Variants in ITFG1 observed in about 807,000 individuals in gnomAD.
ITFG1 encodes integrin alpha FG-GAP repeat containing 1.
In ITFG1, 34 loss-of-function variants were observed where a neutral mutation model predicts 81.8. The observed-to-expected ratio is 0.42, with a 90% CI of 0.32 to 0.55. The LOEUF is 0.55. ITFG1 is among the 20% of genes least tolerant of loss of function. The pLI is 0.17. For missense variants in ITFG1, 672 were observed against 755.4 expected (o/e 0.89, Z 1.29); for synonymous variants, 285 against 270.6 (o/e 1.05, Z -0.52).
At chr16:47,456,756 T>G (rs1027123934) in intron 2 of ITFG1, among the ~76,000 whole-genome samples, 2 of 150,116 alleles carry the variant, frequency 1.3e-5, no homozygotes, top group Non-Finnish European at 3.0e-5. Context: ...TTATCAGGCA[T>G]CCTTTCTCAG....
At chr16:47,429,177 A>G (rs1969062296) in intron 5 of ITFG1, among the ~76,000 whole-genome samples, 1 of 152,184 alleles carries the variant, frequency 6.6e-6, no homozygotes, top group Non-Finnish European at 1.5e-5. Context: ...TTCTGTCTCT[A>G]TTCAGGACAT....
chr16:47,168,377 A>G (rs1361672545), intron 14 of ITFG1, among the ~76,000 whole-genome samples: 1 of 152,002 alleles, frequency 6.6e-6, no homozygotes, highest in African/African-American at 2.4e-5. Flanking sequence ...TGAAAAGAAA[A>G]AAGACTTTTC....
intron 6 of ITFG1, among the ~76,000 whole-genome samples, chr16:47,399,471 G>A (rs907814902): frequency 6.6e-6 from 1 of 152,138 alleles, no homozygotes; most frequent in Non-Finnish European, 1.5e-5. Flanking sequence ...TACTCAGGAG[G>A]CTGAGGCAGG....
intron 10 of ITFG1, among the ~76,000 whole-genome samples, chr16:47,301,071 A>G (rs1317517135): frequency 6.6e-6 from 1 of 152,244 alleles, no homozygotes; most frequent in Non-Finnish European, 1.5e-5. Context: ...TGAAACACAG[A>G]AATCTATGTG....
intron 10 of ITFG1, among the ~76,000 whole-genome samples, chr16:47,291,884 T>C (rs1440910043): frequency 2.0e-5 from 3 of 152,342 alleles, no homozygotes; most frequent in East Asian, 3.9e-4. Context: ...ATTGTCTACA[T>C]GTATTTTCTT....
intron 12 of ITFG1, among the ~76,000 whole-genome samples, chr16:47,245,476 T>C (rs1965989797): frequency 6.6e-6 from 1 of 152,228 alleles, no homozygotes. Context: ...CCCTTCTTTT[T>C]ATTAGGATGT....
chr16:47,384,697 T>C (rs1968437530), intron 6 of ITFG1, among the ~76,000 whole-genome samples: 1 of 152,236 alleles, frequency 6.6e-6, no homozygotes, highest in Non-Finnish European at 1.5e-5. Context: ...TCATCAAATT[T>C]TTTTTCCACG....
At chr16:47,231,572 C>G (rs575829884) in intron 13 of ITFG1, among the ~76,000 whole-genome samples, 1 of 152,142 alleles carries the variant, frequency 6.6e-6, no homozygotes, top group Non-Finnish European at 1.5e-5. Context: ...TACCTCTAGT[C>G]GTACCTGAAA....
intron 5 of ITFG1, among the ~76,000 whole-genome samples, chr16:47,440,112 G>C (rs566346613): frequency 6.6e-6 from 1 of 152,132 alleles, no homozygotes; most frequent in Non-Finnish European, 1.5e-5. Flanking sequence ...ATGGTAAAGG[G>C]ATCAATTCAA....
At chr16:47,327,038 G>C (rs1029976918) in intron 8 of ITFG1, among the ~76,000 whole-genome samples, 8 of 152,188 alleles carry the variant, frequency 5.3e-5, no homozygotes, top group East Asian at 1.9e-4. Context: ...GCCAAAAGAA[G>C]AAAGGTGGAG....
chr16:47,178,160 T>C (rs931876552), intron 14 of ITFG1, among the ~76,000 whole-genome samples: 4 of 152,238 alleles, frequency 2.6e-5, no homozygotes, highest in African/African-American at 9.6e-5. Flanking sequence ...ATTCACTGAC[T>C]TTAATTAAAT....
intron 6 of ITFG1, among the ~76,000 whole-genome samples, chr16:47,391,483 T>A (rs181960753): frequency 4.6e-5 from 7 of 152,330 alleles, no homozygotes; most frequent in Admixed American, 2.6e-4. Flanking sequence ...GTTGCTTAAA[T>A]GTTTAGGTCG....
At chr16:47,411,739 AATG>A (rs1349437142) in intron 6 of ITFG1, among the ~76,000 whole-genome samples, 2 of 152,074 alleles carry the variant, frequency 1.3e-5, no homozygotes, top group Non-Finnish European at 2.9e-5. Context: ...GTGCAGTCCT[AATG>A]ATTGGAGGTG....
intron 10 of ITFG1, among the ~76,000 whole-genome samples, chr16:47,267,728 T>A (rs1454594092): frequency 6.6e-6 from 1 of 152,098 alleles, no homozygotes; most frequent in Non-Finnish European, 1.5e-5. Context: ...CATAATGGAA[T>A]TAAATGGGAA....
At chr16:47,302,967 T>C (rs1333838265) in intron 10 of ITFG1, among the ~76,000 whole-genome samples, 1 of 152,084 alleles carries the variant, frequency 6.6e-6, no homozygotes, top group African/African-American at 2.4e-5. Flanking sequence ...TAGTGACAAA[T>C]ATGTGAAGAA....
chr16:47,316,795 C>A (rs1210554611), intron 8 of ITFG1, among the ~76,000 whole-genome samples: 3 of 152,122 alleles, frequency 2.0e-5, no homozygotes, highest in African/African-American at 4.8e-5. Context: ...TGGGAAAAAT[C>A]AGAGGCACAA....
At chr16:47,438,627 G>A (rs896858593) in intron 5 of ITFG1, among the ~76,000 whole-genome samples, 1 of 152,184 alleles carries the variant, frequency 6.6e-6, no homozygotes, top group Non-Finnish European at 1.5e-5. Flanking sequence ...TGAGGGTCCT[G>A]ACTGTTAGAA....
intron 10 of ITFG1, among the ~76,000 whole-genome samples, chr16:47,266,486 G>A (rs1055589546): frequency 6.6e-6 from 1 of 152,140 alleles, no homozygotes; most frequent in Non-Finnish European, 1.5e-5. Flanking sequence ...CCAAAGAACT[G>A]GAATTACAGG....
intron 6 of ITFG1, among the ~76,000 whole-genome samples, chr16:47,424,928 G>A (rs376557867): frequency 9.2e-5 from 14 of 152,252 alleles, no homozygotes; most frequent in African/African-American, 3.1e-4. Context: ...GTCCGTTCTC[G>A]GAGTTGGAAC....
Sources: gnomAD v4.1 joint callset for allele counts (sites outside exome capture counted in the v4.1 genomes callset) on GRCh38, gnomAD v4.1.1 for gene constraint, MANE v1.5 for transcripts, NCBI Gene and HGNC (gene_info 2026-07-23, HGNC 2026-07-21) for gene names.